The following GPC5 variants were observed in gnomAD, a reference collection of about 807,000 sequenced individuals.
GPC5 encodes glypican 5.
GPC5 carries 47 observed loss-of-function variants against 53.9 expected under a neutral mutation model. The observed-to-expected ratio is 0.87, with a 90% CI of 0.69 to 1.11. The LOEUF (loss-of-function observed/expected upper bound fraction) is 1.11, where lower values mean the gene tolerates loss of function less well. Among genes scored for constraint, GPC5 ranks in the 50% most tolerant of loss-of-function variants. GPC5 has a pLI of 0.00. For synonymous variants in GPC5, 286 were observed against 263.3 expected (o/e 1.09, Z -0.84); for missense variants, 748 against 713.1 (o/e 1.05, Z -0.56).
rs1181833556 is a variant in GPC5, at chr13:91,673,134, A to G, written c.326-20053A>G. Among the ~76,000 whole-genome samples the G allele has an allele frequency of 5.3e-5, 8 of 152,252 alleles. No individual in the cohort carries two copies. The East Asian group carries it at 1.4e-3, about 26-fold the overall frequency. ...GAGGATGGGCCAATAGGTACAGCAA[A>G]CCAGCATGGCACGCATATACCTGTG... On this transcript the variant is annotated intron_variant, in intron 2 of 7. Coordinates refer to ENST00000377067, the MANE Select transcript of GPC5 (RefSeq NM_004466.6).
chr13:92,088,896 A>T (rs1358303916), intron 6 of GPC5, among the ~76,000 whole-genome samples: 2 of 152,226 alleles, frequency 1.3e-5, no homozygotes, highest in Non-Finnish European at 2.9e-5. Flanking sequence ...ATGTGATAGC[A>T]TAGTGCAATG....
chr13:92,538,225 C>A (rs1881786937), intron 7 of GPC5, among the ~76,000 whole-genome samples: 2 of 144,802 alleles, frequency 1.4e-5, no homozygotes, highest in African/African-American at 5.1e-5. Context: ...TCCTCCACTT[C>A]CGTTCCCTCT....
intron 6 of GPC5, among the ~76,000 whole-genome samples, chr13:92,013,245 G>A: frequency 6.6e-6 from 1 of 152,196 alleles, no homozygotes; most frequent in East Asian, 1.9e-4. Flanking sequence ...GGATGGTAAA[G>A]GCAGAGAATT....
chr13:91,705,246 G>A (rs372541125), intron 3 of GPC5, among the ~76,000 whole-genome samples: 6 of 152,204 alleles, frequency 3.9e-5, no homozygotes, highest in East Asian at 1.9e-4. Context: ...TTCTGACTTC[G>A]TGAATCAGAA....
chr13:91,839,575 A>G (rs146934621), intron 5 of GPC5, among the ~76,000 whole-genome samples: 23 of 152,170 alleles, frequency 1.5e-4, no homozygotes, highest in Middle Eastern at 3.4e-3. Context: ...TATCAAGCAA[A>G]TTGTTCAGAA....
In GPC5 at chr13:91,908,070, C is replaced by G. The variant is rs151065141; in HGVS notation, c.1401+13C>G. The G allele has an allele frequency of 6.6e-7, 1 of 1,506,712 alleles. No individual in the cohort carries two copies. Among genetic ancestry groups the G allele is most frequent in the East Asian group, 2.5e-5 (1 of 40,816 alleles). 93.3% of individuals were successfully genotyped at this position (1,506,712 alleles called of 1,614,324 possible). A position where few individuals can be genotyped will look rare whatever the true frequency, so the allele number is the denominator to read the frequency against. ...GCATGTTGTTCAGGTAAGTCCTGAT[C>G]CTATATTTATTAGTATACTCAGTCA... On this transcript the variant is annotated intron_variant, in intron 6 of 7. Transcript: ENST00000377067.
At chr13:92,713,211 G>A (rs951925274) in intron 7 of GPC5, among the ~76,000 whole-genome samples, 14 of 152,054 alleles carry the variant, frequency 9.2e-5, no homozygotes, top group South Asian at 4.2e-4. Context: ...TAAAGAACTC[G>A]AAAGAAAAAT....
At chr13:91,915,085 A>G (rs2039645684) in intron 6 of GPC5, among the ~76,000 whole-genome samples, 4 of 152,276 alleles carry the variant, frequency 2.6e-5, no homozygotes, top group South Asian at 4.1e-4. Flanking sequence ...CAACTCCATT[A>G]CATGACATTG....
intron 7 of GPC5, among the ~76,000 whole-genome samples, chr13:92,167,395 T>C (rs1225776037): frequency 1.3e-5 from 2 of 152,204 alleles, no homozygotes; most frequent in Admixed American, 6.5e-5. Flanking sequence ...GATATAAAAC[T>C]TCAGATTCCA....
intron 6 of GPC5, among the ~76,000 whole-genome samples, chr13:92,133,925 C>T (rs1183144164): frequency 2.0e-5 from 3 of 152,072 alleles, no homozygotes; most frequent in Non-Finnish European, 4.4e-5. Flanking sequence ...CTGACTGAGC[C>T]AGGTGAGGCA....
chr13:92,632,152 G>C (rs1885260065), intron 7 of GPC5, among the ~76,000 whole-genome samples: 1 of 152,026 alleles, frequency 6.6e-6, no homozygotes, highest in Non-Finnish European at 1.5e-5. Context: ...GATGACAAAA[G>C]CATTGAAATT....
rs1206954730 is a variant in GPC5 at position 91,756,514 on chromosome 13, A to G, written c.1280+94A>G. On this transcript the variant is annotated intron_variant, in intron 5 of 7. Coordinates refer to ENST00000377067, the MANE Select transcript of GPC5 (RefSeq NM_004466.6). ...GGATTAATTCAGTCTTAACTTTGTC[A>G]CACAGTTTACAGTCTACATTAAATA... 9.9e-6 allele frequency: 11 copies of G among 1,110,326 alleles called. No homozygotes were observed. In the East Asian group the frequency reaches 2.7e-4, roughly 28 times the overall value. The allele number at this position is 1,110,326 out of a possible 1,614,324, so 68.8% of individuals were successfully genotyped here. A position where few individuals can be genotyped will look rare whatever the true frequency, so the allele number is the denominator to read the frequency against.
chr13:92,379,408 C>T (rs1169632826), intron 7 of GPC5, among the ~76,000 whole-genome samples: 1 of 151,996 alleles, frequency 6.6e-6, no homozygotes, highest in Non-Finnish European at 1.5e-5. Flanking sequence ...ATTGTTGGGG[C>T]AAAAAGGAGG....
At chr13:92,773,944 A>G (rs968393140) in intron 7 of GPC5, among the ~76,000 whole-genome samples, 2 of 152,210 alleles carry the variant, frequency 1.3e-5, no homozygotes, top group Non-Finnish European at 2.9e-5. Context: ...CATGTCTTAC[A>G]TGGCAGCAGA....
Position 92,562,069 on chromosome 13 carries a change from C to T in GPC5, c.1562-304213C>T, listed in dbSNP as rs141010015. 4.2e-3 allele frequency among the ~76,000 whole-genome samples: 638 copies of T among 152,148 alleles called. 7 individuals are homozygous for T. The highest frequency in any genetic ancestry group is 0.014 in the African/African-American group (602 of 41,518). Reference sequence around the variant, plus strand: ...AGTTTAAGAAGGCAGTTTTAGCCTCCAATAGGAATTCAGAAATAACTGTAA... The same window carrying T: ...AGTTTAAGAAGGCAGTTTTAGCCTCTAATAGGAATTCAGAAATAACTGTAA... On this transcript the variant is annotated intron_variant, in intron 7 of 7. Coordinates refer to ENST00000377067, the MANE Select transcript of GPC5 (RefSeq NM_004466.6).
Position 92,368,658 on chromosome 13 carries a change from A to AC in GPC5, c.1561+223669_1561+223670insC, listed in dbSNP as rs1485111039. 1.1e-3 allele frequency among the ~76,000 whole-genome samples: 166 copies of AC among 151,158 alleles called. 1 individual carries two copies. The highest frequency in any genetic ancestry group is 2.0e-3 in the Non-Finnish European group (138 of 67,680). ...TTAAAAAAAAAAAAAAAAAAAAAAA[A>AC]AACCTGAAAGTTAAAATGTGGAAAT... is the stretch of plus-strand genomic sequence containing the variant. On this transcript the variant is annotated intron_variant, in intron 7 of 7. Coordinates refer to ENST00000377067, the MANE Select transcript of GPC5 (RefSeq NM_004466.6).
chr13:92,785,520 T>C (rs1205817008), intron 7 of GPC5, among the ~76,000 whole-genome samples: 1 of 152,184 alleles, frequency 6.6e-6, no homozygotes, highest in Non-Finnish European at 1.5e-5. Flanking sequence ...CCATGCAGCA[T>C]CAATGCAATT....
chr13:92,281,840 C>T (rs1371792578), intron 7 of GPC5, among the ~76,000 whole-genome samples: 2 of 152,164 alleles, frequency 1.3e-5, no homozygotes, highest in East Asian at 1.9e-4. Flanking sequence ...ATCAGACCAC[C>T]TCTTCTCCTC....
intron 6 of GPC5, among the ~76,000 whole-genome samples, chr13:92,093,073 C>T (rs12428886): frequency 2.0e-5 from 3 of 152,096 alleles, no homozygotes; most frequent in Admixed American, 6.5e-5. Context: ...GCTCAGAAAC[C>T]CCATACAATC....
Sources: gnomAD v4.1 joint callset for allele counts (sites outside exome capture counted in the v4.1 genomes callset) on GRCh38, gnomAD v4.1.1 for gene constraint, MANE v1.5 for transcripts, NCBI Gene and HGNC (gene_info 2026-07-23, HGNC 2026-07-21) for gene names.